Variants in MATN2 observed in about 807,000 individuals in gnomAD.
MATN2 encodes the protein matrilin-2.
In MATN2, 69 loss-of-function variants were observed where a neutral mutation model predicts 103.2. That is an observed-to-expected ratio of 0.67 (90% CI 0.55 to 0.82). The LOEUF (loss-of-function observed/expected upper bound fraction) is 0.82. Among genes scored for constraint, MATN2 ranks in the 40% least tolerant of loss-of-function variants. MATN2 has a pLI of 0.00. For synonymous variants in MATN2, 429 were observed against 450.2 expected, an observed-to-expected ratio of 0.95 and a Z score of 0.60; for missense variants, 1,023 against 1,211.5, an observed-to-expected ratio of 0.84 and a Z score of 2.31.
chr8:97,885,840 G>A (rs1383707443), intron 1 of MATN2, among the ~76,000 whole-genome samples: 1 of 152,162 alleles, frequency 6.6e-6, no homozygotes, highest in African/African-American at 2.4e-5. Flanking sequence ...GGTGAGGAGA[G>A]TAGTTATTTG....
intron 12 of MATN2, chr8:98,020,983 A>G (rs1475748311): frequency 4.9e-6 from 2 of 410,284 alleles, no homozygotes; most frequent in Admixed American, 4.1e-5. Flanking sequence ...AAGGACACCT[A>G]ATCACCCATC....
At position 98,007,392 on chromosome 8, in the gene MATN2, G is replaced by T; in HGVS notation, c.1451-87G>T. On this transcript the variant is annotated intron_variant, in intron 9 of 18. Transcript: ENST00000254898. The surrounding 1 kb of genome is among the most constrained non-coding windows in gnomAD (Gnocchi z 4.2). The stretch of plus-strand genomic sequence containing the variant: ...TGGGACTGCATGCCTTCGAGGGAGG[G>T]CGGGGTGAGCATGACGGTCACTTGA... 2 of 1,566,300 alleles carry T rather than the reference G, an allele frequency of 1.3e-6. No homozygotes were observed.
chr8:97,985,517 T>G lies in MATN2; in HGVS notation c.1081+6509T>G, dbSNP rs1812163690. Among the ~76,000 whole-genome samples, 4 of 152,350 alleles carry G rather than the reference T, an allele frequency of 2.6e-5. No homozygotes were observed. The South Asian group carries it at 8.3e-4, about 32-fold the overall frequency. ...TGTTCTTCTCCAAATCACAGGACAC[T>G]TCCCACATTGTTCTTTTTTGTATAT... On this transcript the variant is annotated intron_variant, in intron 6 of 18. Coordinates refer to ENST00000254898, the MANE Select transcript of MATN2 (RefSeq NM_002380.5).
At chr8:97,989,941 G>A (rs1812336964) in intron 6 of MATN2, among the ~76,000 whole-genome samples, 1 of 152,020 alleles carries the variant, frequency 6.6e-6, no homozygotes, top group African/African-American at 2.4e-5. Context: ...CAGCACAATG[G>A]GAGACCAAAG....
At chr8:97,971,216 T>A (rs1811644218) in intron 5 of MATN2, among the ~76,000 whole-genome samples, 3 of 152,190 alleles carry the variant, frequency 2.0e-5, no homozygotes, top group Non-Finnish European at 4.4e-5. Context: ...AATGTAACTT[T>A]CTCAAGTTTC....
chr8:97,919,734 G>A (rs1274412340), intron 2 of MATN2, among the ~76,000 whole-genome samples: 1 of 152,104 alleles, frequency 6.6e-6, no homozygotes, highest in Non-Finnish European at 1.5e-5. Context: ...AATAAGCAAG[G>A]ACCCAGACAG....
At chr8:97,995,422 C>G (rs1193082261) in intron 7 of MATN2, among the ~76,000 whole-genome samples, 1 of 151,984 alleles carries the variant, frequency 6.6e-6, no homozygotes, top group African/African-American at 2.4e-5. Flanking sequence ...AGAAAGATAG[C>G]CTTTTTTAGG....
chr8:98,007,699 C>T lies in MATN2; in HGVS notation c.1573+98C>T. ...GTATATGTGCCTGTGTGTCCTGTCT[C>T]CAGGCTTTGCTGGGCCTGCATGAAT... On this transcript the variant is annotated intron_variant, in intron 10 of 18. Transcript: ENST00000254898. The surrounding 1 kb of genome is among the most constrained non-coding windows in gnomAD (Gnocchi z 4.2). 1.4e-6 allele frequency: 2 copies of T among 1,425,040 alleles called. No individual in the cohort carries two copies. Among genetic ancestry groups the T allele is most frequent in the Non-Finnish European group, 1.9e-6 (2 of 1,052,098 alleles). 88.3% of individuals were successfully genotyped at this position (1,425,040 alleles called of 1,614,324 possible).
In MATN2 at chr8:98,035,738, A is replaced by G. The variant is rs1156813738; in HGVS notation, c.*26A>G. On this transcript the variant is annotated 3_prime_UTR_variant, in exon 19 of 19. Transcript: ENST00000254898. ...AGATTAGAAATCGCGACACATTTGT[A>G]GTCATTGTATCACGGATTACAATGA... The G allele has an allele frequency of 6.5e-7, 1 of 1,545,990 alleles. No homozygotes were observed. Among genetic ancestry groups the G allele is most frequent in the Admixed American group, 1.7e-5 (1 of 57,800 alleles).
intron 2 of MATN2, among the ~76,000 whole-genome samples, chr8:97,924,603 C>T (rs1163553427): frequency 6.6e-6 from 1 of 152,156 alleles, no homozygotes; most frequent in Non-Finnish European, 1.5e-5. Context: ...TGGCCCTTGA[C>T]CGTACTGAAC....
At chr8:97,879,634 A>T (rs997944152) in intron 1 of MATN2, among the ~76,000 whole-genome samples, 1 of 152,190 alleles carries the variant, frequency 6.6e-6, no homozygotes, top group Non-Finnish European at 1.5e-5. Context: ...TGTGTTGAGG[A>T]TACAGAGGAC....
intron 1 of MATN2, among the ~76,000 whole-genome samples, chr8:97,875,061 G>C (rs1032427790): frequency 6.6e-6 from 1 of 152,054 alleles, no homozygotes; most frequent in African/African-American, 2.4e-5. Flanking sequence ...GGCCCACCTA[G>C]ATAATCCAGG....
Position 98,020,143 on chromosome 8 carries a change from CTTTT to C in MATN2, c.1820-1060_1820-1057del, listed in dbSNP as rs571086129. Reference sequence around the variant, plus strand: ...GTCTGCACTGCTTGTTCATGCTTTTCTTTTTGTTTGTTTTTGTTTTGAGACAGGG... The same window carrying C: ...GTCTGCACTGCTTGTTCATGCTTTTCTGTTTGTTTTTGTTTTGAGACAGGG... On this transcript the variant is annotated intron_variant, in intron 12 of 18. Coordinates refer to ENST00000254898, the MANE Select transcript of MATN2 (RefSeq NM_002380.5). Among the ~76,000 whole-genome samples the C allele has an allele frequency of 4.5e-3, 680 of 151,792 alleles. 3 individuals carry two copies. Among genetic ancestry groups the C allele is most frequent in the Non-Finnish European group, 7.8e-3 (528 of 67,798 alleles).
chr8:98,020,626 G>C (rs980488390), intron 12 of MATN2, among the ~76,000 whole-genome samples: 1 of 152,150 alleles, frequency 6.6e-6, no homozygotes, highest in Non-Finnish European at 1.5e-5. Flanking sequence ...TTCCAATTTT[G>C]TGTGAAGCCT....
intron 5 of MATN2, among the ~76,000 whole-genome samples, chr8:97,977,247 A>G (rs1401123086): frequency 1.3e-5 from 2 of 148,990 alleles, no homozygotes; most frequent in African/African-American, 5.0e-5. Flanking sequence ...AAAAAAAAAA[A>G]AAAAAAAAAA....
chr8:97,988,536 G>A (rs1014637737), intron 6 of MATN2, among the ~76,000 whole-genome samples: 2 of 151,932 alleles, frequency 1.3e-5, no homozygotes, highest in African/African-American at 4.8e-5. Flanking sequence ...TGAGGCAGGA[G>A]GGTTGCTTGA....
intron 1 of MATN2, among the ~76,000 whole-genome samples, chr8:97,882,478 G>C (rs1818286730): frequency 6.6e-6 from 1 of 151,722 alleles, no homozygotes; most frequent in Non-Finnish European, 1.5e-5. Context: ...CTGCAGCTTT[G>C]ACCTCCTGGG....
At chr8:97,999,510 T>G (rs1563717340) in intron 7 of MATN2, among the ~76,000 whole-genome samples, 3 of 152,228 alleles carry the variant, frequency 2.0e-5, no homozygotes, top group Non-Finnish European at 4.4e-5. Context: ...TGTGTTTGTC[T>G]GTCTGTCTGT....
At chr8:97,989,468 C>CAAAAA (rs34047188) in intron 6 of MATN2, among the ~76,000 whole-genome samples, 65 of 129,796 alleles carry the variant, frequency 5.0e-4, no homozygotes, top group African/African-American at 1.9e-3. Context: ...GACTCCATCT[C>CAAAAA]AAAAAAAAAA....
Sources: allele counts gnomAD v4.1 joint callset (sites outside exome capture counted in the v4.1 genomes callset), GRCh38; gene constraint gnomAD v4.1.1; non-coding constraint Gnocchi (gnomAD v3.1); transcripts MANE v1.5; gene names NCBI Gene and HGNC (gene_info 2026-07-23, HGNC 2026-07-21).